EYS: variants seen among roughly 807,000 people sequenced by gnomAD.
EYS encodes the protein protein eyes shut homolog.
In EYS, 250 loss-of-function variants were observed where a neutral mutation model predicts 282.1. The observed-to-expected ratio is 0.89, with a 90% CI of 0.80 to 0.98. The LOEUF (loss-of-function observed/expected upper bound fraction) is 0.98. Among genes scored for constraint, EYS ranks in the 50% least tolerant of loss-of-function variants. The pLI, the probability that EYS is intolerant of heterozygous loss-of-function variation, is 0.00. For missense variants in EYS, 4,016 were observed against 3,709.0 expected, an observed-to-expected ratio of 1.08 and a Z score of -2.15; for synonymous variants, 1,355 against 1,282.9, an observed-to-expected ratio of 1.06 and a Z score of -1.20.
intron 12 of EYS, among the ~76,000 whole-genome samples, chr6:65,087,616 G>A (rs570514278): frequency 6.6e-6 from 1 of 152,118 alleles, no homozygotes; most frequent in Non-Finnish European, 1.5e-5. Flanking sequence ...GTGAATGAGT[G>A]GTGTAGTCCT....
chr6:64,383,196 G>T (rs1305535671), intron 29 of EYS, among the ~76,000 whole-genome samples: 1 of 152,108 alleles, frequency 6.6e-6, no homozygotes, highest in Non-Finnish European at 1.5e-5. Context: ...AGCTACTAGG[G>T]GGGCTGAGGT....
chr6:64,161,014 C>T (rs1775089321), intron 31 of EYS, among the ~76,000 whole-genome samples: 1 of 152,114 alleles, frequency 6.6e-6, no homozygotes, highest in Non-Finnish European at 1.5e-5. Context: ...TGATTTTATT[C>T]ATTTCATTAA....
At chr6:64,956,716 G>A (rs1353481915) in intron 14 of EYS, among the ~76,000 whole-genome samples, 3 of 151,958 alleles carry the variant, frequency 2.0e-5, no homozygotes, top group Admixed American at 6.6e-5. Context: ...GAATATATAA[G>A]GATCTCAAAC....
At chr6:65,258,081 T>G (rs1767518593) in intron 12 of EYS, among the ~76,000 whole-genome samples, 1 of 152,074 alleles carries the variant, frequency 6.6e-6, no homozygotes, top group African/African-American at 2.4e-5. Flanking sequence ...GCAAATTGTA[T>G]ACCTATGTCA....
chr6:65,343,809 C>T (rs954273956), intron 10 of EYS, among the ~76,000 whole-genome samples: 1 of 151,316 alleles, frequency 6.6e-6, no homozygotes. Context: ...AGACTAGGAA[C>T]AAAATGATTC....
intron 8 of EYS, among the ~76,000 whole-genome samples, chr6:65,366,515 G>A (rs549831402): frequency 6.6e-6 from 1 of 151,630 alleles, no homozygotes. Context: ...TTTTTAGAGA[G>A]GACCTATCAC....
At chr6:64,019,884 G>A (rs917094228) in intron 33 of EYS, among the ~76,000 whole-genome samples, 2 of 140,992 alleles carry the variant, frequency 1.4e-5, no homozygotes, top group African/African-American at 2.9e-5. Flanking sequence ...ATATATAAGT[G>A]TATATAAGTG....
intron 12 of EYS, among the ~76,000 whole-genome samples, chr6:65,277,981 T>A (rs1451634923): frequency 7.0e-6 from 1 of 142,300 alleles, no homozygotes; most frequent in East Asian, 2.1e-4. Flanking sequence ...AGGGATTCCT[T>A]CTGTCTGACT....
At chr6:63,950,664 C>T (rs1057276972) in intron 35 of EYS, among the ~76,000 whole-genome samples, 5 of 152,108 alleles carry the variant, frequency 3.3e-5, no homozygotes, top group East Asian at 1.9e-4. Context: ...CTCTTTGCTC[C>T]GTGAGAAAGA....
intron 7 of EYS, among the ~76,000 whole-genome samples, chr6:65,385,675 C>T (rs574931275): frequency 6.6e-6 from 1 of 151,996 alleles, no homozygotes; most frequent in East Asian, 1.9e-4. Context: ...ACAAATTTTA[C>T]AGTGGTTAAT....
At chr6:65,145,002 C>T (rs1034194884) in intron 12 of EYS, among the ~76,000 whole-genome samples, 1 of 151,930 alleles carries the variant, frequency 6.6e-6, no homozygotes, top group Admixed American at 6.6e-5. Flanking sequence ...AACTCCTGAC[C>T]TCATGTGATC....
chr6:64,191,485 C>CA (rs1369233330), intron 31 of EYS, among the ~76,000 whole-genome samples: 9 of 147,442 alleles, frequency 6.1e-5, no homozygotes, highest in South Asian at 2.2e-4. Context: ...CTTCCCCCCC[C>CA]ACCCCAAAAC....
chr6:64,320,707 C>G (rs888959147), intron 29 of EYS, among the ~76,000 whole-genome samples: 1 of 140,730 alleles, frequency 7.1e-6, no homozygotes, highest in Non-Finnish European at 1.6e-5. Flanking sequence ...ATCCTATTGG[C>G]CACAGTTTCC....
At chr6:64,421,668 T>TA (rs571186973) in intron 28 of EYS, among the ~76,000 whole-genome samples, 262 of 152,266 alleles carry the variant, frequency 1.7e-3, no homozygotes, top group Non-Finnish European at 1.7e-3. Flanking sequence ...GTTACTCTTC[T>TA]AAAAAATCAA....
At chr6:64,872,221 T>A (rs1187601348) in intron 19 of EYS, among the ~76,000 whole-genome samples, 1 of 152,026 alleles carries the variant, frequency 6.6e-6, no homozygotes, top group African/African-American at 2.4e-5. Context: ...GTGAAATGTA[T>A]GCCCAATGTT....
At chr6:65,403,450 A>G (rs1766595288) in intron 6 of EYS, among the ~76,000 whole-genome samples, 1 of 151,902 alleles carries the variant, frequency 6.6e-6, no homozygotes. Flanking sequence ...TATTTATCTG[A>G]ACAACAAGAT....
At chr6:65,648,314 A>ATGTGTGTGTGTGTGTGTG (rs58196369) in intron 1 of EYS, among the ~76,000 whole-genome samples, 3 of 147,792 alleles carry the variant, frequency 2.0e-5, no homozygotes, top group South Asian at 2.2e-4. Context: ...AAGAAAATAT[A>ATGTGTGTGTGTGTGTGTG]TGTGTGTGTG....
chr6:65,022,934 A>T (rs556828434), intron 13 of EYS, among the ~76,000 whole-genome samples: 1 of 151,974 alleles, frequency 6.6e-6, no homozygotes. Flanking sequence ...AGTCAGTCAC[A>T]AAAGACCACA....
intron 12 of EYS, among the ~76,000 whole-genome samples, chr6:65,184,577 A>G (rs1435015726): frequency 6.6e-6 from 1 of 151,914 alleles, no homozygotes; most frequent in Non-Finnish European, 1.5e-5. Context: ...TTTAAATTTA[A>G]AAATCAACAA....
Sources: allele counts gnomAD v4.1 joint callset (sites outside exome capture counted in the v4.1 genomes callset), GRCh38; gene constraint gnomAD v4.1.1; transcripts MANE v1.5; gene names NCBI Gene and HGNC (gene_info 2026-07-23, HGNC 2026-07-21).